RFTN1: variants seen among roughly 807,000 people sequenced by gnomAD.
RFTN1 encodes raftlin.
In RFTN1, 26 loss-of-function variants were observed where a neutral mutation model predicts 46.5. The observed-to-expected ratio is 0.56, with a 90% CI of 0.41 to 0.78. RFTN1 has a LOEUF of 0.78. Ranked by LOEUF, RFTN1 falls within the 30% of genes least tolerant of loss-of-function variation. RFTN1 has a pLI of 0.00. For synonymous variants in RFTN1, 261 were observed against 284.2 expected, an observed-to-expected ratio of 0.92 and a Z score of 0.82; for missense variants, 693 against 718.7, an observed-to-expected ratio of 0.96 and a Z score of 0.41.
At position 16,374,383 on chromosome 3, in the gene RFTN1, C is replaced by T. The variant is rs904044859; in HGVS notation, c.826+3335G>A. The stretch of plus-strand genomic sequence containing the variant: ...ACTGAGTAAAAGGCCAGAAAGATGG[C>T]GGCAGGTGGCAGATCTGGGAGGGGG... On this transcript the variant is annotated intron_variant, in intron 5 of 9. Coordinates refer to ENST00000334133, the MANE Select transcript of RFTN1 (RefSeq NM_015150.2). This position sits in a 1 kb window ranked among gnomAD's most constrained non-coding sequence, Gnocchi z 5.4. 6.6e-5 allele frequency among the ~76,000 whole-genome samples: 10 copies of T among 152,132 alleles called. No homozygotes were observed. The highest frequency in any genetic ancestry group is 2.2e-4 in the African/African-American group (9 of 41,424).
Position 16,361,189 on chromosome 3 carries a change from TC to T in RFTN1, c.1031-3143del, listed in dbSNP as rs2072804115. Reference sequence around the variant, plus strand: ...TTAGTGTAATCTAAATAGAAAAACTTCCCTTAGAGGAGTCTAAAAATGGCAT... The same window carrying T: ...TTAGTGTAATCTAAATAGAAAAACTTCCTTAGAGGAGTCTAAAAATGGCAT... On this transcript the variant is annotated intron_variant, in intron 6 of 9. Coordinates refer to ENST00000334133, the MANE Select transcript of RFTN1 (RefSeq NM_015150.2). The surrounding 1 kb of genome is among the most constrained non-coding windows in gnomAD (Gnocchi z 4.3). Among the ~76,000 whole-genome samples the T allele has an allele frequency of 6.6e-6, 1 of 152,168 alleles. No homozygotes were observed. The highest frequency in any genetic ancestry group is 2.1e-4 in the South Asian group (1 of 4,832).
chr3:16,505,995 G>C (rs1216355432), intron 1 of RFTN1, among the ~76,000 whole-genome samples: 1 of 152,126 alleles, frequency 6.6e-6, no homozygotes, highest in Non-Finnish European at 1.5e-5. Context: ...TGCCCTCATG[G>C]ACCTTACCTT....
Position 16,376,617 on chromosome 3 carries a change from C to T in RFTN1, c.826+1101G>A, listed in dbSNP as rs760807192. ...GGCAGCAGGCATGTGCCTCAAACAG[C>T]GAAAAATCACACAGATGAAGGGCTC... On this transcript the variant is annotated intron_variant, in intron 5 of 9. Coordinates refer to ENST00000334133, the MANE Select transcript of RFTN1 (RefSeq NM_015150.2). The surrounding 1 kb of genome is among the most constrained non-coding windows in gnomAD (Gnocchi z 4.7). 4.6e-5 allele frequency among the ~76,000 whole-genome samples: 7 copies of T among 152,154 alleles called. No homozygotes were observed. Among genetic ancestry groups the T allele is most frequent in the Non-Finnish European group, 8.8e-5 (6 of 68,030 alleles).
chr3:16,474,184 A>G lies in RFTN1; in HGVS notation c.145+19541T>C, dbSNP rs1428767246. 2.6e-5 allele frequency among the ~76,000 whole-genome samples: 4 copies of G among 152,196 alleles called. No homozygotes were observed. The highest frequency in any genetic ancestry group is 9.6e-5 in the African/African-American group (4 of 41,458). On this transcript the variant is annotated intron_variant, in intron 2 of 9. Coordinates refer to ENST00000334133, the MANE Select transcript of RFTN1 (RefSeq NM_015150.2). The surrounding 1 kb of genome is among the most constrained non-coding windows in gnomAD (Gnocchi z 5.5). ...GGTCTAACCAATGCCTTTTCTGATGACTTTATTCAATTCTAACAACGCCAG... is the reference window on the plus strand; with the variant it reads ...GGTCTAACCAATGCCTTTTCTGATGGCTTTATTCAATTCTAACAACGCCAG...
chr3:16,317,202 G>C lies in RFTN1; in HGVS notation c.1363C>G (p.His455Asp). The change falls in exon 10 of 10, where the codon CAC (histidine) becomes GAC (aspartate). Residue 455 changes from histidine (H) to aspartate (D), a missense_variant. Physicochemically the swap from His to Asp is moderately conservative, Grantham distance 81. Transcript: ENST00000334133. This position sits in a 1 kb window ranked among gnomAD's most constrained non-coding sequence, Gnocchi z 4.3. The stretch of plus-strand genomic sequence containing the variant: ...TTTGATTTCCTCATCTGCCTGTTGT[G>C]CATTTCTTCTCTGGAGAATCGCCAC... ...FQWRFSREEM[H>D]NRQMRKSKGK... 1 of 1,613,064 alleles carries C rather than the reference G, an allele frequency of 6.2e-7. No homozygotes were observed. The highest frequency in any genetic ancestry group is 8.5e-7 in the Non-Finnish European group (1 of 1,179,972).
intron 4 of RFTN1, among the ~76,000 whole-genome samples, chr3:16,403,819 TTATA>T (rs1167265778): frequency 1.6e-4 from 1 of 6,264 alleles, no homozygotes; most frequent in African/African-American, 1.1e-3. Flanking sequence ...ATATTTTATA[TTATA>T]TTTATATATA....
chr3:16,322,459 G>A lies in RFTN1; in HGVS notation c.1332+917C>T, dbSNP rs2069176420. Among the ~76,000 whole-genome samples the A allele has an allele frequency of 6.6e-6, 1 of 152,190 alleles. No homozygotes were observed. Among genetic ancestry groups the A allele is most frequent in the Admixed American group, 6.5e-5 (1 of 15,282 alleles). On this transcript the variant is annotated intron_variant, in intron 9 of 9. Coordinates refer to ENST00000334133, the MANE Select transcript of RFTN1 (RefSeq NM_015150.2). This position sits in a 1 kb window ranked among gnomAD's most constrained non-coding sequence, Gnocchi z 6.2. ...GGAATGCAGGAGTGATGCCAGGAGT[G>A]AGGAGCCGAGCAGGTCAGGCAGGCC...
At chr3:16,435,582 A>G (rs943294727) in intron 2 of RFTN1, among the ~76,000 whole-genome samples, 1 of 152,122 alleles carries the variant, frequency 6.6e-6, no homozygotes, top group African/African-American at 2.4e-5. Context: ...AAAAGCAAAA[A>G]AACAAAACAA....
rs550380957 is a variant in RFTN1 at position 16,400,260 on chromosome 3, C to T, written c.441+9115G>A. ...CCTTCTGCTCCTCAAACCAAACTTA[C>T]TCCCTCCCACCTTGGCTTTGTCTGA... On this transcript the variant is annotated intron_variant, in intron 4 of 9. Coordinates refer to ENST00000334133, the MANE Select transcript of RFTN1 (RefSeq NM_015150.2). This position sits in a 1 kb window ranked among gnomAD's most constrained non-coding sequence, Gnocchi z 4.5. Among the ~76,000 whole-genome samples, 36 of 152,310 alleles carry T rather than the reference C, an allele frequency of 2.4e-4. No individual in the cohort carries two copies. The highest frequency in any genetic ancestry group is 9.2e-4 in the Admixed American group (14 of 15,300).
rs552136092 is a variant in RFTN1 at position 16,356,844 on chromosome 3, G to A, written c.1146+1088C>T. On this transcript the variant is annotated intron_variant, in intron 7 of 9. Coordinates refer to ENST00000334133, the MANE Select transcript of RFTN1 (RefSeq NM_015150.2). The surrounding 1 kb of genome is among the most constrained non-coding windows in gnomAD (Gnocchi z 4.9). ...GTTCTCTATGTCCATGGCTGGGCAC[G>A]GTGGCTCACGCTGTAATCCCAGCAC... is the stretch of plus-strand genomic sequence containing the variant. Among the ~76,000 whole-genome samples the A allele has an allele frequency of 1.1e-4, 17 of 152,158 alleles. No individual in the cohort carries two copies. The highest frequency in any genetic ancestry group is 4.1e-4 in the South Asian group (2 of 4,830).
At position 16,489,236 on chromosome 3, in the gene RFTN1, G is replaced by A. The variant is rs539158318; in HGVS notation, c.145+4489C>T. ...AGTTCGAGACCAGCCTGGCCAACAT[G>A]GCAAAAGCCTGTGTCTACTAAAAAT... On this transcript the variant is annotated intron_variant, in intron 2 of 9. Coordinates refer to ENST00000334133, the MANE Select transcript of RFTN1 (RefSeq NM_015150.2). The surrounding 1 kb of genome is among the most constrained non-coding windows in gnomAD (Gnocchi z 4.0). 1.3e-5 allele frequency among the ~76,000 whole-genome samples: 2 copies of A among 151,614 alleles called. No individual in the cohort carries two copies. The highest frequency in any genetic ancestry group is 4.2e-4 in the South Asian group (2 of 4,778).
chr3:16,350,569 A>G (rs1364454803), intron 7 of RFTN1, among the ~76,000 whole-genome samples: 1 of 151,960 alleles, frequency 6.6e-6, no homozygotes, highest in Non-Finnish European at 1.5e-5. Flanking sequence ...TGTCAAGGTG[A>G]GTGGCACACA....
In RFTN1 at chr3:16,353,705, C is replaced by T. The variant is rs1326495397; in HGVS notation, c.1146+4227G>A. On this transcript the variant is annotated intron_variant, in intron 7 of 9. Transcript: ENST00000334133. The surrounding 1 kb of genome is among the most constrained non-coding windows in gnomAD (Gnocchi z 5.4). The stretch of plus-strand genomic sequence containing the variant: ...TCATACGCATGGGACCCTGATTGAA[C>T]AGGATTAGTGTCCTTATAAGAAGAG... Among the ~76,000 whole-genome samples the T allele has an allele frequency of 1.3e-5, 2 of 152,118 alleles. No individual in the cohort carries two copies. The highest frequency in any genetic ancestry group is 2.9e-5 in the Non-Finnish European group (2 of 68,020).
At position 16,481,742 on chromosome 3, in the gene RFTN1, T is replaced by C. The variant is rs1381236592; in HGVS notation, c.145+11983A>G. ...ACTGTTTAATCTAATAGTCTGGAAATTATATTGGAAGAAACAGATGGTTTC... is the reference window on the plus strand; with the variant it reads ...ACTGTTTAATCTAATAGTCTGGAAACTATATTGGAAGAAACAGATGGTTTC... On this transcript the variant is annotated intron_variant, in intron 2 of 9. Coordinates refer to ENST00000334133, the MANE Select transcript of RFTN1 (RefSeq NM_015150.2). The surrounding 1 kb of genome is among the most constrained non-coding windows in gnomAD (Gnocchi z 5.1). Among the ~76,000 whole-genome samples the C allele has an allele frequency of 6.6e-6, 1 of 152,126 alleles. No homozygotes were observed. Among genetic ancestry groups the C allele is most frequent in the Non-Finnish European group, 1.5e-5 (1 of 68,006 alleles).
At chr3:16,461,648 C>T (rs1368290354) in intron 2 of RFTN1, among the ~76,000 whole-genome samples, 1 of 152,178 alleles carries the variant, frequency 6.6e-6, no homozygotes, top group Non-Finnish European at 1.5e-5. Flanking sequence ...GGGAGGCAGA[C>T]CAAATTACCT....
chr3:16,489,541 T>C lies in RFTN1; in HGVS notation c.145+4184A>G, dbSNP rs1352479601. Among the ~76,000 whole-genome samples, 1 of 152,208 alleles carries C rather than the reference T, an allele frequency of 6.6e-6. No individual in the cohort carries two copies. Among genetic ancestry groups the C allele is most frequent in the Non-Finnish European group, 1.5e-5 (1 of 68,034 alleles). On this transcript the variant is annotated intron_variant, in intron 2 of 9. Coordinates refer to ENST00000334133, the MANE Select transcript of RFTN1 (RefSeq NM_015150.2). This position sits in a 1 kb window ranked among gnomAD's most constrained non-coding sequence, Gnocchi z 4.0. ...GCATCTTGATGTGATGAGGGTTTTA[T>C]GGGTTGGAACACTTTAAATATGTGC...
chr3:16,496,062 C>T (rs1175557280), intron 1 of RFTN1, among the ~76,000 whole-genome samples: 1 of 152,192 alleles, frequency 6.6e-6, no homozygotes, highest in African/African-American at 2.4e-5. Flanking sequence ...ACTTCTGTTC[C>T]TCAAAACCCA....
chr3:16,438,301 C>A (rs2075553806), intron 2 of RFTN1, among the ~76,000 whole-genome samples: 2 of 152,004 alleles, frequency 1.3e-5, no homozygotes, highest in South Asian at 4.1e-4. Flanking sequence ...AGACAGGGTT[C>A]TTGCTGGGCA....
rs2076398414 is a variant in RFTN1 at position 16,483,360 on chromosome 3, C to T, written c.145+10365G>A. On this transcript the variant is annotated intron_variant, in intron 2 of 9. Coordinates refer to ENST00000334133, the MANE Select transcript of RFTN1 (RefSeq NM_015150.2). The surrounding 1 kb of genome is among the most constrained non-coding windows in gnomAD (Gnocchi z 4.8). ...GCTCCCCTGTAAAGCACCCCCCTCC[C>T]TCCCAGAACCTGCAGGCACCAGCAG... 6.6e-6 allele frequency among the ~76,000 whole-genome samples: 1 copy of T among 152,182 alleles called. No individual in the cohort carries two copies. The highest frequency in any genetic ancestry group is 2.1e-4 in the South Asian group (1 of 4,818).
Sources: gnomAD v4.1 joint callset for allele counts (sites outside exome capture counted in the v4.1 genomes callset) on GRCh38, gnomAD v4.1.1 for gene constraint, Gnocchi (gnomAD v3.1) non-coding constraint, MANE v1.5 for transcripts, NCBI Gene and HGNC (gene_info 2026-07-23, HGNC 2026-07-21) for gene names.